PTPN4: variants seen among roughly 807,000 people sequenced by gnomAD.
PTPN4 encodes protein tyrosine phosphatase non-receptor type 4, also known as tyrosine-protein phosphatase non-receptor type 4.
PTPN4 carries 49 observed loss-of-function variants against 135.5 expected under a neutral mutation model. The observed-to-expected ratio is 0.36, with a 90% CI of 0.29 to 0.46. The LOEUF (loss-of-function observed/expected upper bound fraction) is 0.46. Ranked by LOEUF, PTPN4 falls within the 20% of genes least tolerant of loss-of-function variation. PTPN4 has a pLI of 1.00. For missense variants in PTPN4, 860 were observed against 1,101.0 expected, an observed-to-expected ratio of 0.78 and a Z score of 3.10; for synonymous variants, 333 against 369.9, an observed-to-expected ratio of 0.90 and a Z score of 1.14.
intron 9 of PTPN4, among the ~76,000 whole-genome samples, chr2:119,898,071 G>A (rs979276472): frequency 6.6e-6 from 1 of 152,160 alleles, no homozygotes; most frequent in Non-Finnish European, 1.5e-5. Context: ...ATCAGTAGCT[G>A]ACAGATTGGA....
chr2:119,776,676 A>G (rs1360027082), intron 1 of PTPN4, among the ~76,000 whole-genome samples: 1 of 152,222 alleles, frequency 6.6e-6, no homozygotes, highest in African/African-American at 2.4e-5. Flanking sequence ...GACAGTGAGG[A>G]TGAAGACCTT....
chr2:119,906,442 A>T (rs1212043223), intron 10 of PTPN4, among the ~76,000 whole-genome samples: 1 of 151,972 alleles, frequency 6.6e-6, no homozygotes, highest in Non-Finnish European at 1.5e-5. Context: ...GTGAAAAAGA[A>T]ACATTTTTCA....
At chr2:119,840,004 AG>A (rs1677356759) in intron 2 of PTPN4, among the ~76,000 whole-genome samples, 1 of 152,224 alleles carries the variant, frequency 6.6e-6, no homozygotes, top group South Asian at 2.1e-4. Flanking sequence ...GAGACTTCAA[AG>A]AGAAAATGTG....
chr2:119,808,389 C>CA (rs1404357901), intron 1 of PTPN4, among the ~76,000 whole-genome samples: 1 of 152,150 alleles, frequency 6.6e-6, no homozygotes, highest in African/African-American at 2.4e-5. Context: ...TCCCAGGATA[C>CA]AAAATCAATG....
chr2:119,800,547 T>C (rs1691343992), intron 1 of PTPN4, among the ~76,000 whole-genome samples: 1 of 150,780 alleles, frequency 6.6e-6, no homozygotes, highest in Non-Finnish European at 1.5e-5. Context: ...TTACAGTCTG[T>C]AAGTTTTAAA....
chr2:119,786,438 A>T (rs1357436716), intron 1 of PTPN4, among the ~76,000 whole-genome samples: 1 of 152,194 alleles, frequency 6.6e-6, no homozygotes, highest in African/African-American at 2.4e-5. Context: ...AGGACTTGGC[A>T]AGGAAGACTT....
At chr2:119,892,434 T>C (rs1440568352) in intron 9 of PTPN4, among the ~76,000 whole-genome samples, 1 of 152,172 alleles carries the variant, frequency 6.6e-6, no homozygotes, top group Non-Finnish European at 1.5e-5. Context: ...ACATCAGATA[T>C]TGATAGATGC....
chr2:119,852,461 C>T (rs767789182), intron 2 of PTPN4, among the ~76,000 whole-genome samples: 12 of 152,180 alleles, frequency 7.9e-5, no homozygotes, highest in African/African-American at 1.2e-4. Context: ...TGTTTAGGTG[C>T]GGGTTTCTTT....
chr2:119,847,113 A>C (rs1036604956), intron 2 of PTPN4, among the ~76,000 whole-genome samples: 2 of 149,646 alleles, frequency 1.3e-5, no homozygotes, highest in African/African-American at 4.9e-5. Context: ...ATCTGGTATC[A>C]TTTCCATAGG....
In PTPN4 at chr2:119,766,156, G is replaced by T. The variant is rs191371459; in HGVS notation, c.-18+5772G>T. 2.7e-3 allele frequency among the ~76,000 whole-genome samples: 410 copies of T among 152,176 alleles called. 9 individuals are homozygous for T. The highest frequency in any genetic ancestry group is 0.022 in the Admixed American group (330 of 15,274). On this transcript the variant is annotated intron_variant, in intron 1 of 26. Transcript: ENST00000263708. ...CCCTGCCCCAGGATGGTTTCTTTTG[G>T]CTTTGAATAGCATTTGTGGCTTATC...
At chr2:119,818,383 A>G (rs960679791) in intron 2 of PTPN4, among the ~76,000 whole-genome samples, 1 of 152,386 alleles carries the variant, frequency 6.6e-6, no homozygotes, top group African/African-American at 2.4e-5. Flanking sequence ...ACAACATACT[A>G]TGGCCATGGG....
At chr2:119,945,607 A>T (rs201010040) in intron 16 of PTPN4, among the ~76,000 whole-genome samples, 1 of 19,230 alleles carries the variant, frequency 5.2e-5, no homozygotes, top group South Asian at 1.5e-3. Context: ...ATAATAATAA[A>T]AATTAAAAAT....
Position 119,862,610 on chromosome 2 carries a change from T to C in PTPN4, c.213T>C (p.Gly71=). 6.2e-7 allele frequency: 1 copy of C among 1,613,218 alleles called. No individual in the cohort carries two copies. Among genetic ancestry groups the C allele is most frequent in the Non-Finnish European group, 8.5e-7 (1 of 1,179,450 alleles). Reference sequence around the variant, plus strand: ...ATTTGACTGAGCAGGACTATTTTGGTTTACAGTTGGCTGATGATTCCACAG... The same window carrying C: ...ATTTGACTGAGCAGGACTATTTTGGCTTACAGTTGGCTGATGATTCCACAG... ...HLDLTEQDYF[G]LQLADDSTDN... The change falls in exon 3 of 27, where the codon GGT becomes GGC. Residue 71 remains glycine (G), a synonymous_variant. Transcript: ENST00000263708.
intron 5 of PTPN4, among the ~76,000 whole-genome samples, chr2:119,880,426 AT>A (rs565175185): frequency 0.05 from 7,225 of 145,846 alleles, 252 homozygotes; most frequent in African/African-American, 0.097. Flanking sequence ...TTAACTTTGA[AT>A]TTTTTTTTTT....
intron 18 of PTPN4, among the ~76,000 whole-genome samples, chr2:119,947,762 CCACACACACACACA>C (rs3084728): frequency 6.8e-6 from 1 of 147,142 alleles, no homozygotes; most frequent in Non-Finnish European, 1.5e-5. Flanking sequence ...AACACCACTA[CCACACACACACACA>C]CACACACACA....
At chr2:119,817,331 C>CTT (rs761567002) in intron 2 of PTPN4, among the ~76,000 whole-genome samples, 3 of 138,658 alleles carry the variant, frequency 2.2e-5, no homozygotes, top group African/African-American at 7.9e-5. Flanking sequence ...TTCCCCATTG[C>CTT]TTTTTTTTTT....
intron 2 of PTPN4, among the ~76,000 whole-genome samples, chr2:119,852,869 T>C (rs1020964805): frequency 2.0e-5 from 3 of 152,162 alleles, no homozygotes; most frequent in African/African-American, 7.2e-5. Context: ...TTGTTTTGTT[T>C]TGTTTTTCTC....
At chr2:119,912,927 A>G (rs1678594963) in intron 10 of PTPN4, among the ~76,000 whole-genome samples, 1 of 152,130 alleles carries the variant, frequency 6.6e-6, no homozygotes, top group South Asian at 2.1e-4. Flanking sequence ...AATCACTATC[A>G]TATATCTCTA....
In PTPN4 at chr2:119,982,692, G is replaced by A. The variant is rs188256947; in HGVS notation, c.*5622G>A. ...GCTGCATGTGTTTACCATAGAGAAC[G>A]TTGCCAGGCTTTGTCAAATGAGGAC... On this transcript the variant is annotated 3_prime_UTR_variant, in exon 27 of 27. Coordinates refer to ENST00000263708, the MANE Select transcript of PTPN4 (RefSeq NM_002830.4). The A allele has an allele frequency of 5.9e-5, 9 of 152,272 alleles. No homozygotes were observed. The highest frequency in any genetic ancestry group is 1.4e-4 in the African/African-American group (6 of 41,554). 9.4% of individuals were successfully genotyped at this position (152,272 alleles called of 1,614,324 possible).
Sources: allele counts gnomAD v4.1 joint callset (sites outside exome capture counted in the v4.1 genomes callset), GRCh38; gene constraint gnomAD v4.1.1; transcripts MANE v1.5; gene names NCBI Gene and HGNC (gene_info 2026-07-23, HGNC 2026-07-21).